DCUN1D4: variants seen among roughly 807,000 people sequenced by gnomAD.
The protein encoded by DCUN1D4 is DCN1-like protein 4.
Under a neutral mutation model 47.9 loss-of-function variants are expected in DCUN1D4, and 22 were observed. The ratio of observed to expected loss-of-function variants is 0.46; its 90% CI spans 0.33 to 0.66. The LOEUF is 0.66. DCUN1D4 is among the 30% of genes least tolerant of loss of function. The pLI is 0.02. For missense variants in DCUN1D4, 301 were observed against 340.8 expected, an observed-to-expected ratio of 0.88 and a Z score of 0.92; for synonymous variants, 121 against 112.2, an observed-to-expected ratio of 1.08 and a Z score of -0.50.
chr4:51,837,956 T>C, the DCUN1D4 span, among the ~76,000 whole-genome samples: 3 of 152,208 alleles, frequency 2.0e-5, no homozygotes, highest in Admixed American at 6.5e-5. Flanking sequence ...GGCGGGCAGA[T>C]CACTTGAAGT....
intron 6 of DCUN1D4, among the ~76,000 whole-genome samples, chr4:51,891,541 T>C (rs1033902652): frequency 6.6e-6 from 1 of 152,190 alleles, no homozygotes; most frequent in Non-Finnish European, 1.5e-5. Flanking sequence ...AATACATGCT[T>C]CTCCAAACTC....
intron 1 of DCUN1D4, among the ~76,000 whole-genome samples, chr4:51,851,728 G>A (rs1234052925): frequency 6.6e-6 from 1 of 152,172 alleles, no homozygotes; most frequent in Admixed American, 6.5e-5. Flanking sequence ...TGATGATCTT[G>A]GATTTGCTTC....
chr4:51,836,524 C>T, the DCUN1D4 span, among the ~76,000 whole-genome samples: 3 of 152,094 alleles, frequency 2.0e-5, no homozygotes, highest in Non-Finnish European at 4.4e-5. Flanking sequence ...GCTTTCCTCC[C>T]ACCAACATAG....
intron 5 of DCUN1D4, among the ~76,000 whole-genome samples, chr4:51,879,262 C>T (rs771060741): frequency 5.3e-5 from 8 of 152,150 alleles, no homozygotes; most frequent in Non-Finnish European, 7.3e-5. Flanking sequence ...AACATGAGTT[C>T]GTTTGATTCA....
intron 7 of DCUN1D4, among the ~76,000 whole-genome samples, chr4:51,895,018 G>A (rs116067618): frequency 0.012 from 1,829 of 152,138 alleles, 36 homozygotes; most frequent in African/African-American, 0.041. Context: ...GTTGGAAGGG[G>A]CAAACAAGCG....
chr4:51,886,197 G>A (rs921938806), intron 5 of DCUN1D4, among the ~76,000 whole-genome samples: 14 of 152,116 alleles, frequency 9.2e-5, no homozygotes, highest in African/African-American at 2.9e-4. Context: ...ATTTTATAGA[G>A]ACTATTATGT....
At chr4:51,896,433 C>T (rs1731271671) in intron 7 of DCUN1D4, among the ~76,000 whole-genome samples, 1 of 152,200 alleles carries the variant, frequency 6.6e-6, no homozygotes, top group South Asian at 2.1e-4. Context: ...TCTTCGTAGA[C>T]AGGACTAAAC....
chr4:51,863,522 T>G lies in DCUN1D4; in HGVS notation c.96+15T>G, dbSNP rs752870149. 1 of 1,605,534 alleles carries G rather than the reference T, an allele frequency of 6.2e-7. No individual in the cohort carries two copies. The highest frequency in any genetic ancestry group is 1.7e-5 in the Admixed American group (1 of 59,374). On this transcript the variant is annotated intron_variant, in intron 2 of 10. Coordinates refer to ENST00000334635, the MANE Select transcript of DCUN1D4 (RefSeq NM_001040402.3). ...TTAATAAGCTGGTAAGTCATTCTTT[T>G]AAAGACAAAATTACCAACTGTTTGA... is the stretch of plus-strand genomic sequence containing the variant.
intron 3 of DCUN1D4, among the ~76,000 whole-genome samples, chr4:51,869,458 C>A (rs1726529900): frequency 6.6e-6 from 1 of 152,084 alleles, no homozygotes. Flanking sequence ...GGCTGTGATA[C>A]AATCAGCTCA....
chr4:51,883,069 A>G (rs1451356170), intron 5 of DCUN1D4, among the ~76,000 whole-genome samples: 2 of 152,232 alleles, frequency 1.3e-5, no homozygotes, highest in African/African-American at 2.4e-5. Context: ...ATCAACACAC[A>G]TATGTACACT....
intron 7 of DCUN1D4, among the ~76,000 whole-genome samples, chr4:51,892,796 A>G (rs1361753032): frequency 3.9e-5 from 6 of 152,258 alleles, no homozygotes; most frequent in Admixed American, 1.3e-4. Context: ...AGCATTGACG[A>G]TGAAGTGCTA....
chr4:51,848,529 C>G (rs764420618), intron 1 of DCUN1D4, among the ~76,000 whole-genome samples: 9 of 152,194 alleles, frequency 5.9e-5, no homozygotes. Context: ...ATGAATCTGA[C>G]ATAAATGCTG....
At chr4:51,886,790 T>TA in intron 6 of DCUN1D4, 152 bp downstream of exon 6, 1 of 633,874 alleles carries the variant, frequency 1.6e-6, no homozygotes, top group Non-Finnish European at 2.8e-6. Flanking sequence ...TAGTTTGACT[T>TA]ATAAGCAGAT....
At chr4:51,849,472 C>A (rs1007321851) in intron 1 of DCUN1D4, among the ~76,000 whole-genome samples, 25 of 152,208 alleles carry the variant, frequency 1.6e-4, no homozygotes, top group African/African-American at 5.3e-4. Flanking sequence ...AATTCTGATA[C>A]TTCAGCATCC....
intron 5 of DCUN1D4, among the ~76,000 whole-genome samples, chr4:51,886,161 G>GA (rs1267992839): frequency 2.0e-5 from 3 of 152,192 alleles, no homozygotes; most frequent in African/African-American, 4.8e-5. Context: ...CTATGTAAAA[G>GA]AAACATTTAT....
At chr4:51,904,610 A>G (rs1285043193) in intron 8 of DCUN1D4, among the ~76,000 whole-genome samples, 6 of 152,206 alleles carry the variant, frequency 3.9e-5, no homozygotes, top group Non-Finnish European at 7.3e-5. Flanking sequence ...GTAAGCTGGT[A>G]TCAACCTGAG....
At chr4:51,834,071 TCTCTCTCTCTCTC>T in the DCUN1D4 span, among the ~76,000 whole-genome samples, 8 of 142,200 alleles carry the variant, frequency 5.6e-5, no homozygotes, top group East Asian at 2.1e-4. Context: ...TCTCTCTCTC[TCTCTCTCTCTCTC>T]TCTTTTCTTT....
chr4:51,885,665 G>T (rs10434433), intron 5 of DCUN1D4, among the ~76,000 whole-genome samples: 1 of 152,192 alleles, frequency 6.6e-6, no homozygotes, highest in Non-Finnish European at 1.5e-5. Context: ...GAGACCTTGA[G>T]TATGGTTAAA....
chr4:51,881,547 A>G (rs1251850649), intron 5 of DCUN1D4, among the ~76,000 whole-genome samples: 2 of 152,078 alleles, frequency 1.3e-5, no homozygotes, highest in African/African-American at 2.4e-5. Context: ...ATGGCAGGGA[A>G]AGTGGAAGGA....
Sources: gnomAD v4.1 joint callset for allele counts (sites outside exome capture counted in the v4.1 genomes callset) on GRCh38, gnomAD v4.1.1 for gene constraint, MANE v1.5 for transcripts, NCBI Gene and HGNC (gene_info 2026-07-23, HGNC 2026-07-21) for gene names.